The following TOGARAM2 variants were observed in gnomAD, a reference collection of about 807,000 sequenced individuals.
TOGARAM2 encodes the protein TOG array regulator of axonemal microtubules 2, also known as TOG array regulator of axonemal microtubules protein 2.
A neutral mutation model predicts 93.3 loss-of-function variants in TOGARAM2; 85 were observed. The observed-to-expected ratio is 0.91, with a 90% confidence interval of 0.76 to 1.09. The LOEUF (loss-of-function observed/expected upper bound fraction) is 1.09. TOGARAM2 is among the 50% of genes least tolerant of loss of function. The pLI, the probability that TOGARAM2 is intolerant of heterozygous loss-of-function variation, is 0.00. For missense variants in TOGARAM2, 1,277 were observed against 1,334.5 expected (o/e 0.96, Z 0.67); for synonymous variants, 593 against 552.8 (o/e 1.07, Z -1.02).
At chr2:28,968,815 C>CAAAAA (rs58495032) in intron 1 of TOGARAM2, among the ~76,000 whole-genome samples, 1 of 41,974 alleles carries the variant, frequency 2.4e-5, no homozygotes, top group Non-Finnish European at 5.0e-5. Context: ...GAGACTCTGT[C>CAAAAA]AAAAAAAAAA....
chr2:28,995,571 G>A (rs969852677), intron 2 of TOGARAM2, among the ~76,000 whole-genome samples: 5 of 152,256 alleles, frequency 3.3e-5, no homozygotes, highest in Non-Finnish European at 7.3e-5. Context: ...TAGTGCTAAA[G>A]CAGATCCCAC....
intron 11 of TOGARAM2, among the ~76,000 whole-genome samples, 197 bp from the exon 12 acceptor site, chr2:29,022,889 A>G (rs377221685): frequency 6.6e-6 from 1 of 152,214 alleles, no homozygotes; most frequent in African/African-American, 2.4e-5. Flanking sequence ...GGCCACATAA[A>G]ACTGGCTTTT....
At chr2:29,009,119 C>T (rs1271259426) in intron 6 of TOGARAM2, among the ~76,000 whole-genome samples, 3 of 152,150 alleles carry the variant, frequency 2.0e-5, no homozygotes, top group African/African-American at 4.8e-5. Flanking sequence ...GGTGCGTAGG[C>T]GAAGGCTGCC....
Position 29,051,818 on chromosome 2 carries a change from C to T in TOGARAM2, c.2785C>T (p.Leu929Phe). 6.4e-7 allele frequency: 1 copy of T among 1,562,938 alleles called. No homozygotes were observed. The highest frequency in any genetic ancestry group is 8.7e-7 in the Non-Finnish European group (1 of 1,153,134). ...QAVERHVLPI[L>F]WHFLNTATRN... ...TGTAGAGCGGCATGTCCTTCCCATC[C>T]TCTGGCACTTCCTGAACACCGCCAC... Residue 929 changes from leucine (L) to phenylalanine (F), a missense_variant, in exon 20 of 20, where the codon CTC (leucine) becomes TTC (phenylalanine). Physicochemically the swap from Leu to Phe is conservative, Grantham distance 22. Transcript: ENST00000379558.
At chr2:28,977,548 C>T (rs928371370), upstream of TOGARAM2, among the ~76,000 whole-genome samples, 36 of 152,174 alleles carry the variant, frequency 2.4e-4, no homozygotes, top group African/African-American at 8.0e-4. Flanking sequence ...CTGGAAGAAG[C>T]GGTGAATGTT....
At chr2:28,976,867 C>T (rs977699599), upstream of TOGARAM2, among the ~76,000 whole-genome samples, 3 of 152,228 alleles carry the variant, frequency 2.0e-5, no homozygotes, top group African/African-American at 7.2e-5. Context: ...AGCACCCCCA[C>T]CCAGCCTGTG....
Position 29,017,235 on chromosome 2 carries a change from G to A in TOGARAM2, c.1126G>A (p.Glu376Lys), listed in dbSNP as rs1178925810. 1.2e-6 allele frequency: 2 copies of A among 1,613,820 alleles called. No homozygotes were observed. Among genetic ancestry groups the A allele is most frequent in the Non-Finnish European group, 1.7e-6 (2 of 1,179,882 alleles). The stretch of plus-strand genomic sequence containing the variant: ...GGAGATGGAGCTGCTTCGGAGGCTG[G>A]AGGAGCCCAGGACAGGGCAGGAGCT... Reference protein sequence around the residue: ...MKEMELLRRLEEPRTGQELTS... With the variant: ...MKEMELLRRLKEPRTGQELTS... The change falls in exon 9 of 20, where the codon GAG becomes AAG. Residue 376 changes from glutamate (E) to lysine (K), a missense_variant. By Grantham distance (56) the Glu-to-Lys change is moderately conservative. Transcript: ENST00000379558.
chr2:29,022,284 T>A lies in TOGARAM2; in HGVS notation c.1487T>A (p.Leu496His). 6.2e-7 allele frequency: 1 copy of A among 1,613,996 alleles called. No individual in the cohort carries two copies. Among genetic ancestry groups the A allele is most frequent in the Non-Finnish European group, 8.5e-7 (1 of 1,179,880 alleles). The change falls in exon 11 of 20, where the codon CTC becomes CAC. Residue 496 changes from leucine (L) to histidine (H), a missense_variant. By Grantham distance (99) the Leu-to-His change is moderately conservative. Transcript: ENST00000379558. The stretch of plus-strand genomic sequence containing the variant: ...CCGGAGCTGGGGCTGAGGGATGCAC[T>A]CCAGTGCCTCAACAGCAGTGACTGG... Reference protein sequence around the residue: ...SNPELGLRDALQCLNSSDWQM... With the variant: ...SNPELGLRDAHQCLNSSDWQM...
At position 29,033,041 on chromosome 2, in the gene TOGARAM2, T is replaced by C. The variant is rs138553278; in HGVS notation, c.2120T>C (p.Ile707Thr). 699 of 1,613,402 alleles carry C rather than the reference T, an allele frequency of 4.3e-4. No individual in the cohort carries two copies. Among genetic ancestry groups the C allele is most frequent in the Non-Finnish European group, 5.6e-4 (666 of 1,179,670 alleles). Residue 707 changes from isoleucine to threonine, a missense_variant, in exon 15 of 20, where the codon ATT becomes ACT. By Grantham distance (89) the Ile-to-Thr change is moderately conservative. Coordinates refer to ENST00000379558, the MANE Select transcript of TOGARAM2 (RefSeq NM_199280.4). ...GACTTGCAGAAGGTCATGGCGGCCA[T>C]TAAACAGCAGGTGAGCTGTGGGGCA... ...SYDLQKVMAA[I>T]KQQGIEDNDE...
At chr2:28,982,662 C>G (rs1358250878) in intron 1 of TOGARAM2, among the ~76,000 whole-genome samples, 1 of 152,202 alleles carries the variant, frequency 6.6e-6, no homozygotes, top group Non-Finnish European at 1.5e-5. Flanking sequence ...AGACCTGCCT[C>G]TGAGGGCAGC....
Position 29,036,648 on chromosome 2 carries a change from C to T in TOGARAM2, c.2526C>T (p.His842=), listed in dbSNP as rs749293820. The change falls in exon 18 of 20, where the codon CAC becomes CAT. Residue 842 remains histidine, a synonymous_variant. Transcript: ENST00000379558. ...TCCCCCTCCTCAGAGAGAGCTTACA[C>T]CCCATGCTGCTCTCCATCATCATCA... The part of the protein sequence containing the change: ...KMIPLLRESL[H]PMLLSIIITV... 2 of 1,613,978 alleles carry T rather than the reference C, an allele frequency of 1.2e-6. No individual in the cohort carries two copies. The highest frequency in any genetic ancestry group is 4.5e-5 in the East Asian group (2 of 44,890).
At chr2:29,035,752 A>AC in intron 17 of TOGARAM2, 96 bp downstream of exon 17, 2 of 1,191,354 alleles carry the variant, frequency 1.7e-6, no homozygotes, top group Non-Finnish European at 2.2e-6. Context: ...CATGTGTCAG[A>AC]CCCCTTGCTA....
chr2:29,012,803 G>C (rs1012272025), intron 7 of TOGARAM2, among the ~76,000 whole-genome samples: 1 of 152,216 alleles, frequency 6.6e-6, no homozygotes, highest in Non-Finnish European at 1.5e-5. Flanking sequence ...CTGAAGCTGG[G>C]GGCTTCCTCA....
intron 13 of TOGARAM2, among the ~76,000 whole-genome samples, chr2:29,025,367 T>C (rs1267149343): frequency 6.6e-6 from 1 of 151,742 alleles, no homozygotes; most frequent in Non-Finnish European, 1.5e-5. Flanking sequence ...ACTGTGTCTA[T>C]AATTAACTTA....
chr2:28,968,491 G>T (rs2148219732), intron 1 of TOGARAM2, among the ~76,000 whole-genome samples: 1 of 152,100 alleles, frequency 6.6e-6, no homozygotes, highest in Admixed American at 6.6e-5. Flanking sequence ...TTGCAATGAG[G>T]CCATCTTGGT....
At chr2:28,982,638 C>T (rs1000187873) in intron 1 of TOGARAM2, among the ~76,000 whole-genome samples, 7 of 152,168 alleles carry the variant, frequency 4.6e-5, no homozygotes, top group Non-Finnish European at 1.0e-4. Flanking sequence ...GAGATGTCAA[C>T]CTGAGCTCTG....
At chr2:28,995,625 TAGAA>T (rs1436055433) in intron 2 of TOGARAM2, among the ~76,000 whole-genome samples, 1 of 152,228 alleles carries the variant, frequency 6.6e-6, no homozygotes, top group Non-Finnish European at 1.5e-5. Flanking sequence ...GCTGAGATCT[TAGAA>T]AGAAAAATCT....
At chr2:29,029,992 G>A (rs1449645683) in intron 14 of TOGARAM2, among the ~76,000 whole-genome samples, 1 of 152,182 alleles carries the variant, frequency 6.6e-6, no homozygotes, top group African/African-American at 2.4e-5. Flanking sequence ...AACATTGCCT[G>A]GCTGGGTGCA....
intron 4 of TOGARAM2, among the ~76,000 whole-genome samples, chr2:29,001,774 C>T (rs187844482): frequency 9.2e-5 from 14 of 152,244 alleles, no homozygotes; most frequent in African/African-American, 2.9e-4. Context: ...GGATTACAGG[C>T]GTGAGCCACT....
Sources: allele counts gnomAD v4.1 joint callset (sites outside exome capture counted in the v4.1 genomes callset), GRCh38; gene constraint gnomAD v4.1.1; transcripts MANE v1.5; gene names NCBI Gene and HGNC (gene_info 2026-07-23, HGNC 2026-07-21).